The following POU6F2 variants were observed in gnomAD, a reference collection of about 807,000 sequenced individuals.
POU6F2 encodes POU class 6 homeobox 2, also known as POU domain, class 6, transcription factor 2.
POU6F2 carries 31 observed loss-of-function variants against 71.3 expected under a neutral mutation model. That is an observed-to-expected ratio of 0.43 (90% CI 0.33 to 0.59). The LOEUF is 0.59. Among genes scored for constraint, POU6F2 ranks in the 20% least tolerant of loss-of-function variants. The pLI is 0.04. For missense variants in POU6F2, 783 were observed against 856.8 expected (o/e 0.91, Z 1.07); for synonymous variants, 347 against 355.7 (o/e 0.98, Z 0.27).
intron 1 of POU6F2, among the ~76,000 whole-genome samples, chr7:39,015,397 ATT>A (rs1789452503): frequency 1.6e-5 from 2 of 125,118 alleles, no homozygotes; most frequent in African/African-American, 2.9e-5. Flanking sequence ...ATAGATATAT[ATT>A]ATATGTAAAT....
intron 2 of POU6F2, among the ~76,000 whole-genome samples, chr7:39,128,969 G>A (rs1463112900): frequency 1.3e-5 from 2 of 152,158 alleles, no homozygotes; most frequent in African/African-American, 4.8e-5. Flanking sequence ...AATGCAGTTA[G>A]GATGAAATTC....
chr7:39,016,049 A>ATATAT (rs1562671294), intron 1 of POU6F2, among the ~76,000 whole-genome samples: 15 of 64,384 alleles, frequency 2.3e-4, no homozygotes, highest in African/African-American at 8.1e-4. Flanking sequence ...ATTATATATT[A>ATATAT]TATATATTAT....
chr7:39,106,227 A>C (rs931831208), intron 2 of POU6F2, among the ~76,000 whole-genome samples: 5 of 152,240 alleles, frequency 3.3e-5, no homozygotes, highest in Admixed American at 3.3e-4. Flanking sequence ...TCCATGAGGC[A>C]GATATTTACC....
chr7:39,110,605 G>T (rs1401388904), intron 2 of POU6F2, among the ~76,000 whole-genome samples: 1 of 151,966 alleles, frequency 6.6e-6, no homozygotes, highest in Non-Finnish European at 1.5e-5. Context: ...AAGTGACAGA[G>T]GAAATACTAA....
intron 1 of POU6F2, among the ~76,000 whole-genome samples, chr7:39,026,301 G>A (rs1238540131): frequency 2.0e-5 from 3 of 151,742 alleles, no homozygotes; most frequent in Non-Finnish European, 2.9e-5. Context: ...ACATGCACAC[G>A]TATGTTTATT....
chr7:39,335,943 G>A (rs555701680), intron 4 of POU6F2, among the ~76,000 whole-genome samples: 1 of 152,302 alleles, frequency 6.6e-6, no homozygotes, highest in East Asian at 1.9e-4. Flanking sequence ...TCCTGGCCAA[G>A]GCTCTCCTGT....
At chr7:39,424,824 A>AC (rs75678103) in intron 6 of POU6F2, among the ~76,000 whole-genome samples, 2,840 of 135,256 alleles carry the variant, frequency 0.021, 63 homozygotes, top group African/African-American at 0.051. Context: ...AAGCACACAC[A>AC]AAAAAAAAAA....
intron 1 of POU6F2, among the ~76,000 whole-genome samples, chr7:38,991,230 A>T (rs859534): frequency 0.31 from 47,647 of 152,038 alleles, 7,694 homozygotes; most frequent in Non-Finnish European, 0.35. Context: ...CCATTATACA[A>T]TAATAAAAAG....
intron 1 of POU6F2, among the ~76,000 whole-genome samples, chr7:39,046,663 A>ATAT (rs748532786): frequency 6.6e-6 from 1 of 151,910 alleles, no homozygotes; most frequent in Non-Finnish European, 1.5e-5. Flanking sequence ...TCATTCCAGA[A>ATAT]TACATAGCAG....
intron 2 of POU6F2, among the ~76,000 whole-genome samples, chr7:39,161,295 T>C (rs1397243799): frequency 6.6e-6 from 1 of 152,220 alleles, no homozygotes; most frequent in Non-Finnish European, 1.5e-5. Flanking sequence ...ACTTTATCTT[T>C]TCAGAAAAAC....
intron 5 of POU6F2, among the ~76,000 whole-genome samples, chr7:39,364,227 A>G (rs912268836): frequency 6.6e-6 from 1 of 150,600 alleles, no homozygotes; most frequent in African/African-American, 2.4e-5. Flanking sequence ...ATGAAAGGGC[A>G]TGGAAGTTTT....
intron 4 of POU6F2, among the ~76,000 whole-genome samples, chr7:39,225,535 T>C (rs997964425): frequency 6.6e-6 from 1 of 152,218 alleles, no homozygotes; most frequent in African/African-American, 2.4e-5. Flanking sequence ...TTACCTTTTC[T>C]GTCTGAATAT....
At chr7:39,408,611 C>A (rs748170288) in intron 6 of POU6F2, among the ~76,000 whole-genome samples, 1 of 152,112 alleles carries the variant, frequency 6.6e-6, no homozygotes, top group South Asian at 2.1e-4. Context: ...GTGGTATGAT[C>A]GTTTATTTGA....
At chr7:39,282,587 G>A (rs531083922) in intron 4 of POU6F2, among the ~76,000 whole-genome samples, 4 of 152,044 alleles carry the variant, frequency 2.6e-5, no homozygotes, top group Non-Finnish European at 4.4e-5. Flanking sequence ...AAATCAGTTC[G>A]CTGTAAGTGT....
intron 2 of POU6F2, among the ~76,000 whole-genome samples, chr7:39,103,839 G>T (rs930259509): frequency 2.0e-5 from 3 of 152,140 alleles, no homozygotes; most frequent in Non-Finnish European, 4.4e-5. Flanking sequence ...TTCTAAAACT[G>T]ATATTTCAAG....
At chr7:39,402,826 A>G (rs1787334095) in intron 5 of POU6F2, among the ~76,000 whole-genome samples, 1 of 152,206 alleles carries the variant, frequency 6.6e-6, no homozygotes, top group Non-Finnish European at 1.5e-5. Context: ...ATAGTTACCC[A>G]TGTTCCTATT....
chr7:39,119,658 A>G (rs761411525), intron 2 of POU6F2, among the ~76,000 whole-genome samples: 2 of 152,248 alleles, frequency 1.3e-5, no homozygotes, highest in Non-Finnish European at 2.9e-5. Context: ...AGGATTGGGC[A>G]AGATAAACAG....
intron 6 of POU6F2, among the ~76,000 whole-genome samples, chr7:39,416,091 CAT>C (rs1393031951): frequency 1.0e-5 from 1 of 99,712 alleles, no homozygotes; most frequent in African/African-American, 4.0e-5. Flanking sequence ...CTCTCGAAGG[CAT>C]ACACACACAC....
intron 2 of POU6F2, among the ~76,000 whole-genome samples, chr7:39,199,809 T>C (rs1176682911): frequency 6.6e-6 from 1 of 152,196 alleles, no homozygotes; most frequent in African/African-American, 2.4e-5. Context: ...CAATTAATAA[T>C]AAGTTGTATC....
Sources: gnomAD v4.1 joint callset for allele counts (sites outside exome capture counted in the v4.1 genomes callset) on GRCh38, gnomAD v4.1.1 for gene constraint, MANE v1.5 for transcripts, NCBI Gene and HGNC (gene_info 2026-07-23, HGNC 2026-07-21) for gene names.